The following FRAS1 variants were observed in gnomAD, a reference collection of about 807,000 sequenced individuals.
FRAS1 encodes extracellular matrix organizing protein FRAS1.
FRAS1 carries 290 observed loss-of-function variants against 435.2 expected under a neutral mutation model. That is an observed-to-expected ratio of 0.67 (90% confidence interval 0.61 to 0.73). FRAS1 has a LOEUF of 0.73. Among genes scored for constraint, FRAS1 ranks in the 30% least tolerant of loss-of-function variants. The pLI is 0.00. For synonymous variants in FRAS1, 1,800 were observed against 1,851.0 expected (o/e 0.97, Z 0.71); for missense variants, 4,860 against 5,001.5 (o/e 0.97, Z 0.85).
At chr4:78,262,804 ACTC>A (rs1726173786) in intron 6 of FRAS1, among the ~76,000 whole-genome samples, 1 of 152,044 alleles carries the variant, frequency 6.6e-6, no homozygotes, top group Non-Finnish European at 1.5e-5. Flanking sequence ...TTAGTACTAA[ACTC>A]CTGTTTACTG....
intron 2 of FRAS1, chr4:78,182,143 A>C: frequency 1.2e-6 from 1 of 837,482 alleles, no homozygotes; most frequent in Non-Finnish European, 1.9e-6. Context: ...GGCCGGGCCA[A>C]GATGGAAGCA....
At chr4:78,188,131 C>T (rs1363324003) in intron 2 of FRAS1, among the ~76,000 whole-genome samples, 4 of 152,114 alleles carry the variant, frequency 2.6e-5, no homozygotes, top group Non-Finnish European at 4.4e-5. Context: ...TGCCTTTTCC[C>T]CTTTCTTTCT....
intron 2 of FRAS1, among the ~76,000 whole-genome samples, chr4:78,222,035 G>C (rs1724076186): frequency 6.6e-6 from 1 of 152,088 alleles, no homozygotes; most frequent in South Asian, 2.1e-4. Flanking sequence ...ATAAGGTCTG[G>C]AAGAATACAG....
intron 29 of FRAS1, among the ~76,000 whole-genome samples, chr4:78,397,897 T>C (rs1203058643): frequency 6.6e-6 from 1 of 152,194 alleles, no homozygotes; most frequent in East Asian, 1.9e-4. Context: ...TTGTGCGTAC[T>C]TGGAGGAGAG....
In FRAS1 at chr4:78,246,747, G is replaced by GA. The variant is rs11304207; in HGVS notation, c.309+1432dup. 6.8e-4 allele frequency among the ~76,000 whole-genome samples: 103 copies of GA among 150,500 alleles called. 1 individual carries two copies. In the South Asian group the frequency reaches 0.018, roughly 27 times the overall value. Reference sequence around the variant, plus strand: ...GCCAAAATAAGTCCAGGATCTGGGGGAAAAAAAAAACCAGACATATCAAAT... The same window carrying GA: ...GCCAAAATAAGTCCAGGATCTGGGGGAAAAAAAAAAACCAGACATATCAAAT... On this transcript the variant is annotated intron_variant, in intron 4 of 73. Transcript: ENST00000512123.
chr4:78,233,406 G>T (rs953165924), intron 2 of FRAS1, among the ~76,000 whole-genome samples: 1 of 152,130 alleles, frequency 6.6e-6, no homozygotes, highest in Admixed American at 6.5e-5. Flanking sequence ...AAATGCTAGG[G>T]TCCTAATTAA....
intron 15 of FRAS1, among the ~76,000 whole-genome samples, chr4:78,312,239 C>T (rs1002039247): frequency 4.2e-5 from 6 of 142,994 alleles, no homozygotes; most frequent in East Asian, 2.0e-4. Flanking sequence ...TTCCATTTCA[C>T]GATCCAGTTT....
chr4:78,432,708 G>A, intron 38 of FRAS1, 104 bp downstream of exon 38: 2 of 1,327,982 alleles, frequency 1.5e-6, no homozygotes, highest in Non-Finnish European at 2.0e-6. Context: ...GCAGGTATAT[G>A]GTCACGTAAA....
At chr4:78,181,197 T>C in intron 2 of FRAS1, 1 of 1,608,604 alleles carries the variant, frequency 6.2e-7, no homozygotes, top group Non-Finnish European at 8.5e-7. Flanking sequence ...GCCCGGTCCT[T>C]ATTTTGAATA....
At chr4:78,129,181 G>A (rs1719553345) in intron 2 of FRAS1, among the ~76,000 whole-genome samples, 1 of 152,204 alleles carries the variant, frequency 6.6e-6, no homozygotes. Flanking sequence ...TTTGAAGTCA[G>A]GTAGCGTGAT....
In FRAS1 at chr4:78,255,299, G is replaced by C; in HGVS notation, c.527G>C (p.Arg176Pro). ...GATGGGGAGGACTGGCGGCTGAGCC[G>C]GTGTGCCAAATGTCTGTGTAGAAAT... ...FQDGEDWRLSRCAKCLCRNGV... is the reference protein window; with the variant it reads ...FQDGEDWRLSPCAKCLCRNGV... The change falls in exon 6 of 74, where the codon CGG becomes CCG. Residue 176 changes from arginine (R) to proline (P), a missense_variant. Arg to Pro is a moderately radical substitution (Grantham distance 103, BLOSUM62 -2). Transcript: ENST00000512123. The C allele has an allele frequency of 1.3e-6, 2 of 1,561,492 alleles. No homozygotes were observed. Among genetic ancestry groups the C allele is most frequent in the African/African-American group, 2.7e-5 (2 of 73,854 alleles).
intron 18 of FRAS1, among the ~76,000 whole-genome samples, chr4:78,328,776 T>C (rs1284670503): frequency 6.6e-6 from 1 of 152,202 alleles, no homozygotes; most frequent in Non-Finnish European, 1.5e-5. Context: ...AGTAATAGAC[T>C]GGGCACCAAA....
intron 53 of FRAS1, among the ~76,000 whole-genome samples, chr4:78,474,154 G>C (rs1246599807): frequency 4.6e-5 from 7 of 152,160 alleles, no homozygotes; most frequent in African/African-American, 1.7e-4. Context: ...CTTTGGGTTT[G>C]GTAGGAATGT....
chr4:78,262,362 A>G (rs1197136133), intron 6 of FRAS1, among the ~76,000 whole-genome samples: 3 of 152,204 alleles, frequency 2.0e-5, no homozygotes, highest in Admixed American at 2.0e-4. Context: ...AGATGCAGAA[A>G]GAAAGATATT....
chr4:78,290,095 A>G (rs11732889), intron 14 of FRAS1, among the ~76,000 whole-genome samples: 35,190 of 152,098 alleles, frequency 0.23, 5,154 homozygotes, highest in Non-Finnish European at 0.33. Flanking sequence ...CTTAGATACG[A>G]GAGTCCATAA....
intron 13 of FRAS1, among the ~76,000 whole-genome samples, chr4:78,285,284 C>T (rs557948050): frequency 5.3e-5 from 8 of 150,968 alleles, no homozygotes; most frequent in African/African-American, 1.9e-4. Context: ...CTCTTGAACC[C>T]TGGAGGTGGA....
intron 20 of FRAS1, among the ~76,000 whole-genome samples, chr4:78,360,879 T>C (rs1378392820): frequency 2.6e-5 from 4 of 152,228 alleles, no homozygotes; most frequent in Non-Finnish European, 5.9e-5. Flanking sequence ...GCTTACTTTC[T>C]CTTGAAAGCA....
intron 14 of FRAS1, among the ~76,000 whole-genome samples, chr4:78,296,119 T>C (rs1728135200): frequency 6.6e-6 from 1 of 151,626 alleles, no homozygotes. Flanking sequence ...GCATACATGT[T>C]ATTAGGTGGT....
At chr4:78,142,453 A>C (rs1292760379) in intron 2 of FRAS1, among the ~76,000 whole-genome samples, 1 of 151,986 alleles carries the variant, frequency 6.6e-6, no homozygotes, top group Non-Finnish European at 1.5e-5. Context: ...TAGGCATATG[A>C]GTAGACAAGA....
Sources: allele counts gnomAD v4.1 joint callset (sites outside exome capture counted in the v4.1 genomes callset), GRCh38; gene constraint gnomAD v4.1.1; transcripts MANE v1.5; gene names NCBI Gene and HGNC (gene_info 2026-07-23, HGNC 2026-07-21).